The following CFAP107 variants were observed in gnomAD, a reference collection of about 807,000 sequenced individuals.
CFAP107 encodes the protein cilia- and flagella-associated protein 107.
At chr1:12,749,631 A>G in the CFAP107 span, among the ~76,000 whole-genome samples, 1 of 148,348 alleles carries the variant, frequency 6.7e-6, no homozygotes, top group South Asian at 2.1e-4. Flanking sequence ...AAACACAAAA[A>G]AACAAAAACA....
At chr1:12,753,869 A>G in the CFAP107 span, 1 of 152,166 alleles carries the variant, frequency 6.6e-6, no homozygotes, top group Non-Finnish European at 1.5e-5. Flanking sequence ...GTTCAAGACC[A>G]GCCTAGGCGA....
the CFAP107 span, chr1:12,759,376 T>C: frequency 1.9e-6 from 3 of 1,614,108 alleles, no homozygotes; most frequent in Admixed American, 5.0e-5. Flanking sequence ...GATCAGCACC[T>C]ATGACGACCA....
chr1:12,750,385 T>C, the CFAP107 span, among the ~76,000 whole-genome samples: 2 of 152,212 alleles, frequency 1.3e-5, no homozygotes, highest in Admixed American at 6.5e-5. Context: ...TCCCTATCAG[T>C]AATCACTTTT....
chr1:12,748,470 A>C, the CFAP107 span, among the ~76,000 whole-genome samples: 1 of 151,506 alleles, frequency 6.6e-6, no homozygotes, highest in Non-Finnish European at 1.5e-5. Context: ...TTAAAAAAAA[A>C]AAAAAAAAAA....
At chr1:12,759,270 G>C in the CFAP107 span, 1 of 1,602,296 alleles carries the variant, frequency 6.2e-7, no homozygotes, top group Admixed American at 1.7e-5. Flanking sequence ...TGGATGCTTC[G>C]CTCCTATCAG....
At chr1:12,747,329 C>A in the CFAP107 span, among the ~76,000 whole-genome samples, 8,016 of 152,122 alleles carry the variant, frequency 0.053, 683 homozygotes, top group African/African-American at 0.18. Flanking sequence ...TTGGCTTCCC[C>A]AAGTGCTGGG....
the CFAP107 span, among the ~76,000 whole-genome samples, chr1:12,758,050 C>T: frequency 7.9e-5 from 12 of 152,312 alleles, no homozygotes; most frequent in South Asian, 1.9e-3. Context: ...ACTTGTCCAC[C>T]GTGCCTCGCC....
the CFAP107 span, among the ~76,000 whole-genome samples, chr1:12,747,664 C>T: frequency 6.6e-6 from 1 of 152,172 alleles, no homozygotes; most frequent in Non-Finnish European, 1.5e-5. Flanking sequence ...CATTAGTAAT[C>T]ACCACCTCTC....
At chr1:12,755,600 T>C in the CFAP107 span, 1 of 795,944 alleles carries the variant, frequency 1.3e-6, no homozygotes, top group South Asian at 1.4e-5. Flanking sequence ...TATTTACCTT[T>C]TCCCTACCCA....
At chr1:12,759,400 G>T in the CFAP107 span, 27 of 1,614,022 alleles carry the variant, frequency 1.7e-5, no homozygotes, top group Non-Finnish European at 2.0e-5. Flanking sequence ...CAACCGGCAT[G>T]GTTACAACCC....
the CFAP107 span, chr1:12,762,193 C>A: frequency 1.3e-5 from 2 of 152,196 alleles, no homozygotes; most frequent in African/African-American, 4.8e-5. Context: ...CTACTAAGTT[C>A]CTTCCTTAGT....
the CFAP107 span, among the ~76,000 whole-genome samples, chr1:12,747,308 A>T: frequency 6.6e-6 from 1 of 152,038 alleles, no homozygotes; most frequent in African/African-American, 2.4e-5. Flanking sequence ...AGCTCAAGTG[A>T]TGTGCCGACC....
the CFAP107 span, chr1:12,755,716 A>G: frequency 2.5e-6 from 4 of 1,612,918 alleles, no homozygotes; most frequent in Non-Finnish European, 3.4e-6. Context: ...AGAGACACTG[A>G]CAAGACACCC....
chr1:12,751,328 C>A, the CFAP107 span, among the ~76,000 whole-genome samples: 2 of 152,070 alleles, frequency 1.3e-5, no homozygotes, highest in Admixed American at 1.3e-4. Context: ...CAGAAAAAAT[C>A]AATAAAACCG....
chr1:12,754,335 C>T, the CFAP107 span, among the ~76,000 whole-genome samples: 1 of 152,172 alleles, frequency 6.6e-6, no homozygotes, highest in Non-Finnish European at 1.5e-5. Flanking sequence ...TACCACTTCA[C>T]CCTTTAGTAT....
the CFAP107 span, among the ~76,000 whole-genome samples, chr1:12,757,549 A>T: frequency 2.6e-5 from 4 of 151,192 alleles, no homozygotes; most frequent in Non-Finnish European, 5.9e-5. Flanking sequence ...CAGCTGGCTA[A>T]TTTTTTTTGT....
chr1:12,747,549 C>T, the CFAP107 span, among the ~76,000 whole-genome samples: 2 of 152,112 alleles, frequency 1.3e-5, no homozygotes, highest in Admixed American at 1.3e-4. Context: ...ATCTAGACTT[C>T]CCCATGTCTT....
chr1:12,755,546 C>T, the CFAP107 span, among the ~76,000 whole-genome samples: 5 of 152,310 alleles, frequency 3.3e-5, no homozygotes, highest in East Asian at 3.9e-4. Context: ...TCCCCGTCCC[C>T]GAGCAAGCTC....
At chr1:12,755,923 A>C in the CFAP107 span, 2 of 714,296 alleles carry the variant, frequency 2.8e-6, no homozygotes, top group Non-Finnish European at 4.8e-6. Context: ...AATCAGGAGT[A>C]GTCTCATTAA....
Sources: allele counts gnomAD v4.1 joint callset (sites outside exome capture counted in the v4.1 genomes callset), GRCh38; gene constraint gnomAD v4.1.1; transcripts MANE v1.5; gene names NCBI Gene and HGNC (gene_info 2026-07-23, HGNC 2026-07-21).